BICC1: variants seen among roughly 807,000 people sequenced by gnomAD.
BICC1 encodes protein bicaudal C homolog 1.
A neutral mutation model predicts 111.0 loss-of-function variants in BICC1; 43 were observed. That is an observed-to-expected ratio of 0.39 (90% CI 0.30 to 0.50). The LOEUF (loss-of-function observed/expected upper bound fraction) is 0.50, where lower values mean the gene tolerates loss of function less well. Among genes scored for constraint, BICC1 ranks in the 20% least tolerant of loss-of-function variants. BICC1 has a pLI of 0.88. For synonymous variants in BICC1, 467 were observed against 434.4 expected, an observed-to-expected ratio of 1.07 and a Z score of -0.93; for missense variants, 1,091 against 1,203.2, an observed-to-expected ratio of 0.91 and a Z score of 1.38.
intron 3 of BICC1, among the ~76,000 whole-genome samples, chr10:58,758,135 AG>A: frequency 6.6e-6 from 1 of 152,334 alleles, no homozygotes; most frequent in Non-Finnish European, 1.5e-5. Flanking sequence ...AGCCAAACCT[AG>A]GTCAGTAGCC....
intron 3 of BICC1, among the ~76,000 whole-genome samples, chr10:58,770,112 G>C (rs191652863): frequency 6.6e-6 from 1 of 152,036 alleles, no homozygotes; most frequent in East Asian, 1.9e-4. Context: ...AATTTATTTA[G>C]AAGTGTTGCA....
intron 1 of BICC1, among the ~76,000 whole-genome samples, chr10:58,537,869 CT>C (rs1215433568): frequency 6.6e-6 from 1 of 151,614 alleles, no homozygotes; most frequent in Non-Finnish European, 1.5e-5. Context: ...AACTCAATTC[CT>C]TTTACAATAG....
At chr10:58,633,995 CTTT>C (rs5785333) in intron 2 of BICC1, among the ~76,000 whole-genome samples, 17 of 99,930 alleles carry the variant, frequency 1.7e-4, no homozygotes, top group Admixed American at 3.3e-4. Flanking sequence ...TTTTTCTTTT[CTTT>C]TTTTTTTTTT....
chr10:58,692,168 G>A (rs539628014), intron 2 of BICC1, among the ~76,000 whole-genome samples: 1 of 151,836 alleles, frequency 6.6e-6, no homozygotes, highest in East Asian at 1.9e-4. Context: ...CTGAGTATGA[G>A]AGAGAGAAAG....
intron 2 of BICC1, among the ~76,000 whole-genome samples, chr10:58,679,741 A>T (rs567139632): frequency 1.3e-5 from 2 of 152,192 alleles, no homozygotes; most frequent in South Asian, 4.2e-4. Flanking sequence ...AAATAAAGAA[A>T]ATTTCAGGCC....
chr10:58,745,891 G>C (rs1305201725), intron 3 of BICC1, among the ~76,000 whole-genome samples: 4 of 151,562 alleles, frequency 2.6e-5, no homozygotes, highest in South Asian at 2.1e-4. Context: ...TGTTCTGTCT[G>C]ATTTGTGTTT....
At chr10:58,652,704 C>T (rs111459591) in intron 2 of BICC1, among the ~76,000 whole-genome samples, 1,611 of 152,018 alleles carry the variant, frequency 0.011, 31 homozygotes, top group African/African-American at 0.037. Context: ...TTGTTTACCT[C>T]GTTAAACATT....
rs540944597 is a variant in BICC1 at position 58,824,214 on chromosome 10, G to A, written c.2794+3746G>A. On this transcript the variant is annotated intron_variant, in intron 20 of 20. Coordinates refer to ENST00000373886, the MANE Select transcript of BICC1 (RefSeq NM_001080512.3). The stretch of plus-strand genomic sequence containing the variant: ...ATTGACCTTTCCATCAAGCATGTGA[G>A]GTTTCACCTCTGTCACTTAGTACCT... 13 of 484,498 alleles carry A rather than the reference G, an allele frequency of 2.7e-5. No individual in the cohort carries two copies. The Admixed American group carries it at 7.7e-4, about 29-fold the overall frequency. The allele number at this position is 484,498 out of a possible 1,614,324, so 30.0% of individuals were successfully genotyped here. A position where few individuals can be genotyped will look rare whatever the true frequency, so the allele number is the denominator to read the frequency against.
At chr10:58,776,612 C>G (rs1842755487) in intron 3 of BICC1, among the ~76,000 whole-genome samples, 1 of 152,182 alleles carries the variant, frequency 6.6e-6, no homozygotes, top group Non-Finnish European at 1.5e-5. Flanking sequence ...CCTCTTCATC[C>G]TGGATCCTCG....
At chr10:58,513,659 T>A (rs1842160383) in intron 1 of BICC1, among the ~76,000 whole-genome samples, 1 of 152,244 alleles carries the variant, frequency 6.6e-6, no homozygotes, top group Admixed American at 6.5e-5. Context: ...ACACCTGGGC[T>A]GTGCCATCCG....
intron 1 of BICC1, 39 bp downstream of exon 1, chr10:58,513,372 C>T (rs778725648): frequency 3.3e-6 from 5 of 1,515,490 alleles, no homozygotes; most frequent in South Asian, 1.2e-5. Context: ...CCGACTGAGC[C>T]TCTAACTCCT....
intron 19 of BICC1, among the ~76,000 whole-genome samples, chr10:58,819,545 A>G (rs1844193707): frequency 6.6e-6 from 1 of 152,182 alleles, no homozygotes; most frequent in South Asian, 2.1e-4. Flanking sequence ...TTCATTTAGC[A>G]ACTTTCACAG....
chr10:58,715,422 A>C (rs1243808185), intron 3 of BICC1: 1 of 620,796 alleles, frequency 1.6e-6, no homozygotes, highest in Non-Finnish European at 2.9e-6. Flanking sequence ...CATTTCTACC[A>C]TTGGATTTTT....
intron 2 of BICC1, among the ~76,000 whole-genome samples, chr10:58,678,745 A>G (rs1323303672): frequency 6.6e-6 from 1 of 152,218 alleles, no homozygotes; most frequent in Non-Finnish European, 1.5e-5. Context: ...TCTTCTCAGC[A>G]GCACATCACA....
chr10:58,610,176 A>G (rs976543812), intron 1 of BICC1, among the ~76,000 whole-genome samples: 9 of 152,194 alleles, frequency 5.9e-5, no homozygotes, highest in Admixed American at 5.2e-4. Context: ...GATGTTCTCA[A>G]ATTTTTGGGA....
Position 58,568,900 on chromosome 10 carries a change from G to A in BICC1, c.191-51955G>A, listed in dbSNP as rs1017583077. 2.4e-4 allele frequency among the ~76,000 whole-genome samples: 37 copies of A among 152,156 alleles called. 1 individual carries two copies. The highest frequency in any genetic ancestry group is 1.5e-5 in the Non-Finnish European group (1 of 68,012). On this transcript the variant is annotated intron_variant, in intron 1 of 20. Transcript: ENST00000373886. Reference sequence around the variant, plus strand: ...GGCCTCAAAGCCAACTGGCCTCTTGGCTTGCCATGGAGTGGGTTTGGAAGC... The same window carrying A: ...GGCCTCAAAGCCAACTGGCCTCTTGACTTGCCATGGAGTGGGTTTGGAAGC...
intron 3 of BICC1, among the ~76,000 whole-genome samples, chr10:58,770,431 A>G (rs924259223): frequency 7.2e-5 from 11 of 152,138 alleles, no homozygotes; most frequent in African/African-American, 2.4e-4. Flanking sequence ...TACATTCTTA[A>G]TACTCCTTAA....
intron 2 of BICC1, among the ~76,000 whole-genome samples, chr10:58,693,643 G>C (rs1327627963): frequency 2.6e-5 from 4 of 151,820 alleles, no homozygotes; most frequent in Admixed American, 2.6e-4. Context: ...GTGTCTTTTG[G>C]CTGCATAAAT....
intron 18 of BICC1, among the ~76,000 whole-genome samples, chr10:58,815,094 A>T (rs940776325): frequency 3.5e-5 from 4 of 115,870 alleles, no homozygotes; most frequent in Admixed American, 1.0e-4. Flanking sequence ...GATATGCCCC[A>T]ATGCCTTTTT....
Sources: allele counts gnomAD v4.1 joint callset (sites outside exome capture counted in the v4.1 genomes callset), GRCh38; gene constraint gnomAD v4.1.1; transcripts MANE v1.5; gene names NCBI Gene and HGNC (gene_info 2026-07-23, HGNC 2026-07-21).